The following PTPRD variants were observed in gnomAD, a reference collection of about 807,000 sequenced individuals.
PTPRD encodes the protein protein tyrosine phosphatase receptor type D.
In PTPRD, 34 loss-of-function variants were observed where a neutral mutation model predicts 214.5. The ratio of observed to expected loss-of-function variants is 0.16; its 90% CI spans 0.12 to 0.21. The LOEUF (loss-of-function observed/expected upper bound fraction) is 0.21, where lower values mean the gene tolerates loss of function less well. PTPRD is among the 10% of genes least tolerant of loss of function. The pLI is 1.00. For missense variants in PTPRD, 2,545 were observed against 2,398.7 expected (o/e 1.06, Z -1.27); for synonymous variants, 1,128 against 845.7 (o/e 1.33, Z -5.79).
chr9:10,137,617 G>A (rs2098951466), intron 3 of PTPRD, among the ~76,000 whole-genome samples: 2 of 78,508 alleles, frequency 2.5e-5, no homozygotes, highest in Non-Finnish European at 4.7e-5. Flanking sequence ...CACATTAGTG[G>A]GTGCAGCGCA....
chr9:10,011,342 G>T (rs1335112838), intron 4 of PTPRD, among the ~76,000 whole-genome samples: 1 of 151,932 alleles, frequency 6.6e-6, no homozygotes, highest in African/African-American at 2.4e-5. Flanking sequence ...TTCCTTGGTA[G>T]TTAAGTCACT....
chr9:10,254,718 T>A (rs1250982574), intron 3 of PTPRD, among the ~76,000 whole-genome samples: 1 of 152,254 alleles, frequency 6.6e-6, no homozygotes, highest in Non-Finnish European at 1.5e-5. Flanking sequence ...AGGATATCCT[T>A]CTAAACACAT....
At chr9:9,308,300 A>G (rs751470922) in intron 9 of PTPRD, among the ~76,000 whole-genome samples, 1 of 152,208 alleles carries the variant, frequency 6.6e-6, no homozygotes, top group Admixed American at 6.5e-5. Flanking sequence ...CTAGAAACAC[A>G]TTTTAAACGG....
chr9:9,734,680 G>A (rs1369403920), intron 6 of PTPRD, 109 bp from the exon 7 acceptor site: 1 of 152,212 alleles, frequency 6.6e-6, no homozygotes, highest in East Asian at 1.9e-4. Flanking sequence ...TACAAGTACT[G>A]CTGGCTGAAT....
rs1037695338 is a variant in PTPRD at position 8,563,961 on chromosome 9, C to T, written c.353-35182G>A. On this transcript the variant is annotated intron_variant, in intron 14 of 45. Coordinates refer to ENST00000381196, the MANE Select transcript of PTPRD (RefSeq NM_002839.4). The stretch of plus-strand genomic sequence containing the variant: ...GATTGCAGGCGTGAGGCATTGCAAC[C>T]GGCCTCGGCATACAATTTTCAAACT... Among the ~76,000 whole-genome samples the T allele has an allele frequency of 5.3e-5, 8 of 152,144 alleles. No individual in the cohort carries two copies. The East Asian group carries it at 5.8e-4, about 11-fold the overall frequency.
chr9:9,559,490 G>C (rs2082359846), intron 8 of PTPRD, among the ~76,000 whole-genome samples: 2 of 152,220 alleles, frequency 1.3e-5, no homozygotes, highest in Non-Finnish European at 2.9e-5. Flanking sequence ...AGGCACCCCT[G>C]GTTAACTACA....
chr9:9,621,815 G>C (rs1206105508), intron 7 of PTPRD, among the ~76,000 whole-genome samples: 1 of 152,136 alleles, frequency 6.6e-6, no homozygotes, highest in East Asian at 1.9e-4. Flanking sequence ...TGGTGTGATG[G>C]AAACACGGAG....
intron 2 of PTPRD, among the ~76,000 whole-genome samples, chr9:10,381,038 G>T (rs1043682397): frequency 2.0e-5 from 3 of 151,366 alleles, no homozygotes; most frequent in Non-Finnish European, 4.4e-5. Flanking sequence ...TTAGTAGGAC[G>T]CTCAACTCAG....
At chr9:9,107,329 C>T (rs535161003) in intron 10 of PTPRD, among the ~76,000 whole-genome samples, 13 of 152,102 alleles carry the variant, frequency 8.5e-5, no homozygotes, top group Non-Finnish European at 1.3e-4. Flanking sequence ...ACACTGCTGG[C>T]GTTAAAACAC....
intron 44 of PTPRD, among the ~76,000 whole-genome samples, chr9:8,331,165 C>CATTAGGATTTATT (rs1563988967): frequency 4.3e-4 from 66 of 151,962 alleles, no homozygotes; most frequent in African/African-American, 1.4e-3. Flanking sequence ...ACTGGCAGAA[C>CATTAGGATTTATT]TTAATATTGT....
At chr9:9,512,936 G>T (rs76154337) in intron 8 of PTPRD, among the ~76,000 whole-genome samples, 4 of 150,542 alleles carry the variant, frequency 2.7e-5, no homozygotes, top group Non-Finnish European at 5.9e-5. Context: ...AGATTTTCAT[G>T]CATTCTTTCA....
At chr9:9,730,963 C>T (rs2098179857) in intron 7 of PTPRD, among the ~76,000 whole-genome samples, 1 of 152,060 alleles carries the variant, frequency 6.6e-6, no homozygotes, top group Non-Finnish European at 1.5e-5. Flanking sequence ...GGTCCAAAAT[C>T]CAGGTGCAGA....
At chr9:10,530,069 A>C (rs2055720046) in intron 2 of PTPRD, among the ~76,000 whole-genome samples, 1 of 152,204 alleles carries the variant, frequency 6.6e-6, no homozygotes, top group Non-Finnish European at 1.5e-5. Flanking sequence ...CTTAAGATTA[A>C]AAAAGTCAAT....
chr9:9,297,878 C>G (rs1953699330), intron 9 of PTPRD, among the ~76,000 whole-genome samples: 1 of 151,596 alleles, frequency 6.6e-6, no homozygotes, highest in Admixed American at 6.6e-5. Flanking sequence ...TGTTTTAATA[C>G]TTTACATATA....
chr9:8,366,309 T>C (rs981605345), intron 39 of PTPRD, among the ~76,000 whole-genome samples: 2 of 151,990 alleles, frequency 1.3e-5, no homozygotes, highest in East Asian at 1.9e-4. Context: ...TGACAAACCA[T>C]ACACTCAGCA....
intron 3 of PTPRD, among the ~76,000 whole-genome samples, chr9:10,312,500 T>G (rs1290383087): frequency 6.6e-6 from 1 of 152,002 alleles, no homozygotes; most frequent in Non-Finnish European, 1.5e-5. Flanking sequence ...ATAAGGTATT[T>G]TATAAAAACC....
chr9:9,284,290 T>G (rs1948691484), intron 9 of PTPRD, among the ~76,000 whole-genome samples: 1 of 151,666 alleles, frequency 6.6e-6, no homozygotes, highest in African/African-American at 2.4e-5. Flanking sequence ...TTTGTTGGTT[T>G]TTATTATCCC....
At chr9:8,629,895 T>C (rs1165750340) in intron 14 of PTPRD, among the ~76,000 whole-genome samples, 2 of 151,756 alleles carry the variant, frequency 1.3e-5, no homozygotes, top group African/African-American at 2.4e-5. Flanking sequence ...TCCCTCCTTA[T>C]TGAAACACAG....
intron 11 of PTPRD, among the ~76,000 whole-genome samples, chr9:8,893,939 G>A (rs2098570885): frequency 8.2e-6 from 1 of 122,536 alleles, no homozygotes. Flanking sequence ...CTGCATATGT[G>A]GAAGTAAAAA....
Sources: allele counts gnomAD v4.1 joint callset (sites outside exome capture counted in the v4.1 genomes callset), GRCh38; gene constraint gnomAD v4.1.1; transcripts MANE v1.5; gene names NCBI Gene and HGNC (gene_info 2026-07-23, HGNC 2026-07-21).